The following EYS variants were observed in gnomAD, a reference collection of about 807,000 sequenced individuals.
EYS encodes the protein protein eyes shut homolog.
EYS carries 250 observed loss-of-function variants against 282.1 expected under a neutral mutation model. The observed-to-expected ratio is 0.89, with a 90% CI of 0.80 to 0.98. The LOEUF (loss-of-function observed/expected upper bound fraction) is 0.98. EYS is among the 50% of genes least tolerant of loss of function. The pLI is 0.00. For missense variants in EYS, 4,016 were observed against 3,709.0 expected (o/e 1.08, Z -2.15); for synonymous variants, 1,355 against 1,282.9 (o/e 1.06, Z -1.20).
At chr6:64,894,866 C>T (rs985089631) in intron 18 of EYS, among the ~76,000 whole-genome samples, 2 of 152,024 alleles carry the variant, frequency 1.3e-5, no homozygotes, top group Admixed American at 6.6e-5. Flanking sequence ...TACATCTTCT[C>T]TTTGATTTTG....
At chr6:64,891,904 A>G (rs1767303023) in intron 18 of EYS, among the ~76,000 whole-genome samples, 1 of 152,000 alleles carries the variant, frequency 6.6e-6, no homozygotes, top group Admixed American at 6.6e-5. Flanking sequence ...AAAAGCTTTT[A>G]CTTCAAAAGT....
chr6:64,169,406 A>G (rs1764405159), intron 31 of EYS, among the ~76,000 whole-genome samples: 1 of 148,074 alleles, frequency 6.8e-6, no homozygotes, highest in South Asian at 2.1e-4. Context: ...GAAATCAATG[A>G]CATACTCAAA....
intron 41 of EYS, among the ~76,000 whole-genome samples, chr6:63,728,023 C>T (rs1582147831): frequency 2.0e-5 from 3 of 151,668 alleles, no homozygotes; most frequent in Admixed American, 6.6e-5. Flanking sequence ...ACCACATTTT[C>T]ATAAAATCTG....
intron 26 of EYS, among the ~76,000 whole-genome samples, chr6:64,480,285 C>A (rs1224358690): frequency 6.6e-6 from 1 of 151,734 alleles, no homozygotes; most frequent in East Asian, 1.9e-4. Context: ...AATATCAATT[C>A]TTTATCTTTA....
At chr6:64,182,032 C>T (rs1764801958) in intron 31 of EYS, among the ~76,000 whole-genome samples, 1 of 152,022 alleles carries the variant, frequency 6.6e-6, no homozygotes. Context: ...CTATGTCCTT[C>T]AGTATTAAAT....
intron 22 of EYS, among the ~76,000 whole-genome samples, chr6:64,720,793 A>G (rs905666823): frequency 6.6e-6 from 1 of 152,152 alleles, no homozygotes; most frequent in Non-Finnish European, 1.5e-5. Flanking sequence ...CTCTTTATCA[A>G]TCTATCCATC....
chr6:65,030,315 C>T (rs961454032), intron 13 of EYS, among the ~76,000 whole-genome samples: 2 of 152,060 alleles, frequency 1.3e-5, no homozygotes, highest in Non-Finnish European at 2.9e-5. Flanking sequence ...GCCATAGGTC[C>T]TTTGTTGACA....
chr6:63,996,332 T>C (rs1160541934), intron 34 of EYS, among the ~76,000 whole-genome samples: 1 of 152,020 alleles, frequency 6.6e-6, no homozygotes, highest in Non-Finnish European at 1.5e-5. Flanking sequence ...AAAGTTGCTC[T>C]TCAATGACTA....
At chr6:65,187,035 G>T (rs575975102) in intron 12 of EYS, among the ~76,000 whole-genome samples, 3 of 151,808 alleles carry the variant, frequency 2.0e-5, no homozygotes, top group Admixed American at 2.0e-4. Context: ...GGGAACACAG[G>T]CACTATTTGG....
intron 30 of EYS, among the ~76,000 whole-genome samples, chr6:64,265,010 A>G (rs938722826): frequency 2.0e-5 from 3 of 152,194 alleles, no homozygotes; most frequent in African/African-American, 7.2e-5. Flanking sequence ...TGGAGAAGCC[A>G]TAAAATGTTT....
At chr6:63,980,792 A>G (rs549252298) in intron 35 of EYS, among the ~76,000 whole-genome samples, 1 of 151,944 alleles carries the variant, frequency 6.6e-6, no homozygotes, top group East Asian at 1.9e-4. Flanking sequence ...GGACTGAGGG[A>G]AAAAAACAGA....
At chr6:64,796,360 G>T (rs1774353967) in intron 22 of EYS, among the ~76,000 whole-genome samples, 1 of 152,100 alleles carries the variant, frequency 6.6e-6, no homozygotes, top group South Asian at 2.1e-4. Context: ...CTGACCAGTT[G>T]CTTTTCTACT....
intron 26 of EYS, among the ~76,000 whole-genome samples, chr6:64,561,090 C>T (rs1765380252): frequency 6.6e-6 from 1 of 152,026 alleles, no homozygotes; most frequent in Non-Finnish European, 1.5e-5. Context: ...AGACAAAAAC[C>T]ACACGATTAT....
intron 24 of EYS, among the ~76,000 whole-genome samples, chr6:64,616,695 C>T (rs1202260325): frequency 6.6e-6 from 1 of 152,072 alleles, no homozygotes; most frequent in Non-Finnish European, 1.5e-5. Context: ...TACACACTGG[C>T]CAGATGCTTG....
chr6:64,590,140 C>T (rs779137078), intron 26 of EYS, 83 bp downstream of exon 26: 60 of 1,246,754 alleles, frequency 4.8e-5, no homozygotes, highest in Non-Finnish European at 6.2e-5. Flanking sequence ...TCAGAGCACC[C>T]GGTGACCATG....
intron 29 of EYS, among the ~76,000 whole-genome samples, chr6:64,361,486 T>C (rs939641136): frequency 6.6e-6 from 1 of 151,822 alleles, no homozygotes; most frequent in African/African-American, 2.4e-5. Flanking sequence ...TGATACAAAA[T>C]ATCACTTTAA....
intron 22 of EYS, among the ~76,000 whole-genome samples, chr6:64,695,495 A>G (rs1255098656): frequency 1.3e-4 from 20 of 152,094 alleles, no homozygotes; most frequent in Admixed American, 1.3e-3. Context: ...CCACCACACT[A>G]AGGCTAATTA....
At chr6:65,419,846 A>C (rs2150376211) in intron 5 of EYS, among the ~76,000 whole-genome samples, 1 of 152,084 alleles carries the variant, frequency 6.6e-6, no homozygotes, top group South Asian at 2.1e-4. Flanking sequence ...ATCAATCTGA[A>C]GCAAGTCACA....
chr6:64,000,036 G>GATGA (rs1768006470), intron 33 of EYS, among the ~76,000 whole-genome samples: 4 of 151,590 alleles, frequency 2.6e-5, no homozygotes, highest in African/African-American at 7.3e-5. Flanking sequence ...GAGAGTGTGG[G>GATGA]TGATTTCATT....
Sources: gnomAD v4.1 joint callset for allele counts (sites outside exome capture counted in the v4.1 genomes callset) on GRCh38, gnomAD v4.1.1 for gene constraint, MANE v1.5 for transcripts, NCBI Gene and HGNC (gene_info 2026-07-23, HGNC 2026-07-21) for gene names.